PCDHA11: variants seen among roughly 807,000 people sequenced by gnomAD.
PCDHA11 encodes protocadherin alpha 11.
A neutral mutation model predicts 70.3 loss-of-function variants in PCDHA11; 61 were observed. The observed-to-expected ratio is 0.87, with a 90% CI of 0.71 to 1.07. The LOEUF is 1.07. Ranked by LOEUF, PCDHA11 falls within the 50% of genes least tolerant of loss-of-function variation. PCDHA11 has a pLI of 0.00. For missense variants in PCDHA11, 1,324 were observed against 1,237.5 expected (o/e 1.07, Z -1.05); for synonymous variants, 633 against 555.1 (o/e 1.14, Z -1.97).
chr5:140,942,540 G>T (rs1013086382), intron 1 of PCDHA11, among the ~76,000 whole-genome samples: 52 of 152,164 alleles, frequency 3.4e-4, no homozygotes, highest in African/African-American at 1.1e-3. Flanking sequence ...TCAGTATGGT[G>T]GGGGGTAGGG....
chr5:140,931,047 C>G (rs969815598), intron 1 of PCDHA11, among the ~76,000 whole-genome samples: 5 of 152,166 alleles, frequency 3.3e-5, no homozygotes, highest in African/African-American at 9.6e-5. Context: ...AGAAAAACTT[C>G]AATGCTGTGT....
intron 2 of PCDHA11, among the ~76,000 whole-genome samples, chr5:140,981,575 A>G (rs2096938835): frequency 1.3e-5 from 2 of 152,152 alleles, no homozygotes; most frequent in African/African-American, 4.8e-5. Flanking sequence ...CTTTGTCTCA[A>G]AAATAAATAA....
chr5:140,870,715 G>T lies in PCDHA11; in HGVS notation c.1612G>T (p.Asp538Tyr), dbSNP rs1554164627. 1.2e-6 allele frequency: 2 copies of T among 1,613,126 alleles called. No homozygotes were observed. Among genetic ancestry groups the T allele is most frequent in the East Asian group, 2.2e-5 (1 of 44,866 alleles). ...ELLQFQVSAR[D>Y]AGVPPLSSNV... is the part of the protein sequence containing the mutation. ...GCTACAGTTCCAGGTGAGCGCGCGC[G>T]ATGCGGGCGTGCCGCCTCTGAGCAG... Residue 538 changes from aspartate to tyrosine, a missense_variant, in exon 1 of 4, where the codon GAT becomes TAT. Physicochemically the swap from Asp to Tyr is radical, Grantham distance 160. Transcript: ENST00000398640.
At chr5:141,001,822 TGACAGAGAGGGA>T (rs541215764) in intron 3 of PCDHA11, among the ~76,000 whole-genome samples, 203 of 152,310 alleles carry the variant, frequency 1.3e-3, no homozygotes, top group African/African-American at 4.5e-3. Context: ...GGCCAAATTC[TGACAGAGAGGGA>T]GACAGAGAGA....
intron 1 of PCDHA11, among the ~76,000 whole-genome samples, chr5:140,909,531 G>A (rs2074565633): frequency 6.6e-6 from 1 of 152,160 alleles, no homozygotes. Flanking sequence ...CACATTTTGA[G>A]TCCTTGATGG....
intron 1 of PCDHA11, among the ~76,000 whole-genome samples, chr5:140,958,822 A>G (rs1554223658): frequency 6.6e-6 from 1 of 152,146 alleles, no homozygotes; most frequent in Non-Finnish European, 1.5e-5. Context: ...TTTAATTTTT[A>G]TATCTTAAAG....
chr5:140,945,887 A>G (rs1291923718), intron 1 of PCDHA11, among the ~76,000 whole-genome samples: 2 of 152,132 alleles, frequency 1.3e-5, no homozygotes, highest in Admixed American at 1.3e-4. Flanking sequence ...AACAAAGAAA[A>G]CACAGTGGGA....
intron 3 of PCDHA11, among the ~76,000 whole-genome samples, chr5:141,002,404 C>T (rs1167193365): frequency 2.0e-5 from 3 of 152,200 alleles, no homozygotes; most frequent in African/African-American, 7.2e-5. Context: ...CTCTGTGCCT[C>T]CCAAATAGTA....
At position 140,869,217 on chromosome 5, in the gene PCDHA11, G is replaced by T; in HGVS notation, c.114G>T (p.Glu38Asp). The T allele has an allele frequency of 2.5e-6, 4 of 1,613,842 alleles. No homozygotes were observed. The highest frequency in any genetic ancestry group is 2.2e-5 in the South Asian group (2 of 91,068). The change falls in exon 1 of 4, where the codon GAG becomes GAT. Residue 38 changes from glutamate (E) to aspartate (D), a missense_variant. By Grantham distance (45) the Glu-to-Asp change is conservative. Transcript: ENST00000398640. ...AGCTCCACTACTCCGTCTCGGAGGA[G>T]GCCAAACACGGCACCTTCGTGGGCC... ...SGQLHYSVSEEAKHGTFVGRI... is the reference protein window; with the variant it reads ...SGQLHYSVSEDAKHGTFVGRI...
chr5:140,966,620 G>A lies in PCDHA11; in HGVS notation c.2392-12329G>A, dbSNP rs2096027901. 8 of 837,888 alleles carry A rather than the reference G, an allele frequency of 9.5e-6. No homozygotes were observed. The East Asian group carries it at 2.6e-4, about 27-fold the overall frequency. 51.9% of individuals were successfully genotyped at this position (837,888 alleles called of 1,614,324 possible). A position where few individuals can be genotyped will look rare whatever the true frequency, so the allele number is the denominator to read the frequency against. On this transcript the variant is annotated intron_variant, in intron 1 of 3. Transcript: ENST00000398640. ...GAGCCCTTGGGAGGGCCTACGGAGG[G>A]AGCGGCCCCAGGCGCTTTCTAGAGC...
intron 1 of PCDHA11, among the ~76,000 whole-genome samples, chr5:140,942,466 A>G (rs1269455545): frequency 2.0e-5 from 3 of 152,266 alleles, no homozygotes; most frequent in African/African-American, 7.2e-5. Flanking sequence ...TAATACAATC[A>G]AATTCAAGCT....
At chr5:140,928,624 C>T (rs782032190) in intron 1 of PCDHA11, 1 of 1,614,242 alleles carries the variant, frequency 6.2e-7, no homozygotes, top group Non-Finnish European at 8.5e-7. Context: ...CAGGACTGGA[C>T]ACTTGGTCAC....
At position 140,927,248 on chromosome 5, in the gene PCDHA11, A is replaced by T. The variant is rs572200211; in HGVS notation, c.2392-51701A>T. On this transcript the variant is annotated intron_variant, in intron 1 of 3. Transcript: ENST00000398640. The stretch of plus-strand genomic sequence containing the variant: ...CGGATTCACGTCCTGGACACCAATG[A>T]CAACTCACCTCTCTTTCCTGCCGGC... 3.5e-5 allele frequency: 56 copies of T among 1,614,064 alleles called. No homozygotes were observed. The South Asian group carries it at 5.7e-4, about 16-fold the overall frequency.
intron 1 of PCDHA11, chr5:140,877,772 C>T (rs372461540): frequency 9.3e-6 from 15 of 1,614,150 alleles, no homozygotes; most frequent in Non-Finnish European, 1.2e-5. Context: ...CCGCCCAAGA[C>T]GGACCTCATG....
chr5:140,944,929 C>T (rs1387660974), intron 1 of PCDHA11, among the ~76,000 whole-genome samples: 1 of 152,052 alleles, frequency 6.6e-6, no homozygotes, highest in Non-Finnish European at 1.5e-5. Flanking sequence ...TGGTTTATGC[C>T]TTCTTTAGAT....
chr5:141,000,419 A>T (rs1394449061), intron 3 of PCDHA11, among the ~76,000 whole-genome samples: 972 of 60,664 alleles, frequency 0.016, 14 homozygotes, highest in African/African-American at 0.023. Flanking sequence ...ATATATATAT[A>T]TATTTTTTTT....
At chr5:140,962,841 A>G (rs1298725922) in intron 1 of PCDHA11, among the ~76,000 whole-genome samples, 3 of 152,210 alleles carry the variant, frequency 2.0e-5, no homozygotes, top group African/African-American at 7.2e-5. Flanking sequence ...TTTTTATTAT[A>G]TAACTTGTGC....
chr5:140,877,090 G>T lies in PCDHA11; in HGVS notation c.2391+5596G>T, dbSNP rs201209762. ...GCAGTTCCAGGTGAGCGCGCGCGAC[G>T]CCGGCGTGCCGCCTCTGGGCAGCAA... is the stretch of plus-strand genomic sequence containing the variant. On this transcript the variant is annotated intron_variant, in intron 1 of 3. Coordinates refer to ENST00000398640, the MANE Select transcript of PCDHA11 (RefSeq NM_018902.5). 4,655 of 1,613,184 alleles carry T rather than the reference G, an allele frequency of 2.9e-3. 21 individuals are homozygous for T. Among genetic ancestry groups the T allele is most frequent in the African/African-American group, 0.01 (785 of 75,036 alleles).
At chr5:140,916,755 G>C (rs781862005) in intron 1 of PCDHA11, among the ~76,000 whole-genome samples, 15 of 152,208 alleles carry the variant, frequency 9.9e-5, no homozygotes, top group Admixed American at 2.0e-4. Flanking sequence ...CTGGGATTAG[G>C]GGAGGGGTGG....
Sources: allele counts gnomAD v4.1 joint callset (sites outside exome capture counted in the v4.1 genomes callset), GRCh38; gene constraint gnomAD v4.1.1; transcripts MANE v1.5; gene names NCBI Gene and HGNC (gene_info 2026-07-23, HGNC 2026-07-21).